The following SLC12A6 variants were observed in gnomAD, a reference collection of about 807,000 sequenced individuals.
SLC12A6 encodes the protein solute carrier family 12 member 6.
In SLC12A6, 66 loss-of-function variants were observed where a neutral mutation model predicts 135.3. The observed-to-expected ratio is 0.49, with a 90% CI of 0.40 to 0.60. The LOEUF is 0.60. SLC12A6 is among the 20% of genes least tolerant of loss of function. The pLI, the probability that SLC12A6 is intolerant of heterozygous loss-of-function variation, is 0.00. For synonymous variants in SLC12A6, 513 were observed against 508.8 expected, an observed-to-expected ratio of 1.01 and a Z score of -0.11; for missense variants, 1,058 against 1,452.3, an observed-to-expected ratio of 0.73 and a Z score of 4.41.
chr15:34,268,793 A>G (rs1053775903), intron 3 of SLC12A6, among the ~76,000 whole-genome samples: 7 of 152,062 alleles, frequency 4.6e-5, no homozygotes, highest in African/African-American at 1.7e-4. Flanking sequence ...CCCCACTGAG[A>G]CTGGCCTCAG....
chr15:34,257,684 T>C lies in SLC12A6; in HGVS notation c.648A>G (p.Gly216=). ...LRLTWVVGTA[G]VLQAFAIVLI... ...GGACAATTGCAAAAGCCTGAAGAAC[T>C]CCAGCTGTGCCCACCACCCATGTAA... The change falls in exon 6 of 26, where the codon GGA becomes GGG. Residue 216 remains glycine, a synonymous_variant. Transcript: ENST00000354181. 1 of 1,613,380 alleles carries C rather than the reference T, an allele frequency of 6.2e-7. No homozygotes were observed. Among genetic ancestry groups the C allele is most frequent in the Non-Finnish European group, 8.5e-7 (1 of 1,179,446 alleles).
At chr15:34,309,698 G>T (rs566810106) in intron 2 of SLC12A6, among the ~76,000 whole-genome samples, 35 of 152,306 alleles carry the variant, frequency 2.3e-4, no homozygotes, top group African/African-American at 8.4e-4. Context: ...ACAGAATTGG[G>T]AAGATATTTC....
rs570801510 is a variant in SLC12A6, at chr15:34,290,467, T to C, written c.272-15078A>G. On this transcript the variant is annotated intron_variant, in intron 2 of 25. Transcript: ENST00000354181. Reference sequence around the variant, plus strand: ...GAATGTATATTCCGTTGATTTGGGGTGGAGAGTTCTGTAGATATCTATTAG... The same window carrying C: ...GAATGTATATTCCGTTGATTTGGGGCGGAGAGTTCTGTAGATATCTATTAG... 2.6e-5 allele frequency among the ~76,000 whole-genome samples: 4 copies of C among 152,248 alleles called. No individual in the cohort carries two copies. The South Asian group carries it at 6.2e-4, about 24-fold the overall frequency.
In SLC12A6 at chr15:34,258,873, T is replaced by A. The variant is rs1316809325; in HGVS notation, c.483A>T (p.Gln161His). The change falls in exon 5 of 26, where the codon CAA (glutamine) becomes CAT (histidine). Residue 161 changes from glutamine to histidine, a missense_variant. This residue lies in a region of SLC12A6 where 139 missense variants were observed against 202.2 expected (regional missense o/e 0.69). Transcript: ENST00000354181. ...NRMANYTNLT[Q>H]GAKEHEEAEN... ...CTGCCTCTTCATGTTCCTTTGCTCC[T>A]TGAGTCAGATTAGTGTAATTGGCCA... 2 of 1,612,848 alleles carry A rather than the reference T, an allele frequency of 1.2e-6. No individual in the cohort carries two copies. Among genetic ancestry groups the A allele is most frequent in the Admixed American group, 3.3e-5 (2 of 60,006 alleles).
intron 3 of SLC12A6, among the ~76,000 whole-genome samples, chr15:34,261,900 C>T (rs1893159859): frequency 6.6e-6 from 1 of 152,244 alleles, no homozygotes; most frequent in African/African-American, 2.4e-5. Flanking sequence ...TTATACACTG[C>T]TGGTGGGAAT....
At chr15:34,277,069 T>A (rs906237097) in intron 2 of SLC12A6, among the ~76,000 whole-genome samples, 1 of 152,196 alleles carries the variant, frequency 6.6e-6, no homozygotes, top group African/African-American at 2.4e-5. Context: ...TATTCTAGAA[T>A]ATTTTCCCCA....
At chr15:34,309,315 T>G (rs1162321807) in intron 2 of SLC12A6, among the ~76,000 whole-genome samples, 1 of 152,218 alleles carries the variant, frequency 6.6e-6, no homozygotes, top group Admixed American at 6.5e-5. Flanking sequence ...GAATATTTTA[T>G]AATACACTAA....
intron 2 of SLC12A6, among the ~76,000 whole-genome samples, chr15:34,302,123 CTT>C (rs1896295726): frequency 6.6e-6 from 1 of 152,170 alleles, no homozygotes; most frequent in African/African-American, 2.4e-5. Context: ...CAGCCTATAA[CTT>C]ATACAACCTA....
chr15:34,245,335 C>A lies in SLC12A6; in HGVS notation c.1893G>T (p.Glu631Asp), dbSNP rs192253331. The change falls in exon 15 of 26, where the codon GAG becomes GAT. Residue 631 changes from glutamate to aspartate, a missense_variant. Physicochemically the swap from Glu to Asp is conservative, Grantham distance 45. Around this residue, in one of 6 missense-constraint regions of SLC12A6, gnomAD observed 170 missense variants for 297.6 expected, o/e 0.57. Coordinates refer to ENST00000354181, the MANE Select transcript of SLC12A6 (RefSeq NM_001365088.1). Reference sequence around the variant, plus strand: ...CCAGGGAGGCAATGAGTATTCCAAGCTCTGCAATGGCAGCAGTTAGAAGTA... The same window carrying A: ...CCAGGGAGGCAATGAGTATTCCAAGATCTGCAATGGCAGCAGTTAGAAGTA... ...WALLLTAAIAELGILIASLDL... is the reference protein window; with the variant it reads ...WALLLTAAIADLGILIASLDL... 2 of 1,613,636 alleles carry A rather than the reference C, an allele frequency of 1.2e-6. No homozygotes were observed. Among genetic ancestry groups the A allele is most frequent in the East Asian group, 4.5e-5 (2 of 44,890 alleles).
chr15:34,238,579 G>A, intron 20 of SLC12A6, 178 bp from the exon 21 acceptor site: 1 of 653,232 alleles, frequency 1.5e-6, no homozygotes, highest in East Asian at 2.7e-5. Context: ...ATAGCTAACA[G>A]ACTGAGAACC....
At chr15:34,252,462 G>C (rs576017698) in intron 9 of SLC12A6, 78 bp from the exon 10 acceptor site, 1 of 842,344 alleles carries the variant, frequency 1.2e-6, no homozygotes, top group Non-Finnish European at 2.0e-6. Context: ...GGTTAGTAAA[G>C]GAAACAAGAA....
At chr15:34,322,880 A>G (rs1889198282) in intron 2 of SLC12A6, among the ~76,000 whole-genome samples, 1 of 146,390 alleles carries the variant, frequency 6.8e-6, no homozygotes. Flanking sequence ...CGGGAGGCTG[A>G]GGCAGGAGAA....
At chr15:34,264,002 TA>T (rs1893331423) in intron 3 of SLC12A6, among the ~76,000 whole-genome samples, 3 of 147,826 alleles carry the variant, frequency 2.0e-5, no homozygotes, top group Non-Finnish European at 4.5e-5. Flanking sequence ...CATTAATAAA[TA>T]GAAAAAAAAA....
intron 2 of SLC12A6, among the ~76,000 whole-genome samples, chr15:34,307,724 G>GT (rs1429772261): frequency 6.6e-6 from 1 of 152,160 alleles, no homozygotes; most frequent in African/African-American, 2.4e-5. Flanking sequence ...GTGGGTATAT[G>GT]TAATTTTTTT....
At chr15:34,262,408 C>T (rs548641192) in intron 3 of SLC12A6, among the ~76,000 whole-genome samples, 24 of 151,964 alleles carry the variant, frequency 1.6e-4, no homozygotes, top group Admixed American at 4.6e-4. Context: ...AATTATTCTC[C>T]GCCCTCCTCA....
At position 34,336,683 on chromosome 15, in the gene SLC12A6, T is replaced by C. The variant is rs1890221851; in HGVS notation, c.-3A>G. The C allele has an allele frequency of 2.5e-6, 4 of 1,614,098 alleles. No homozygotes were observed. In the East Asian group the frequency reaches 6.7e-5, roughly 27 times the overall value. On this transcript the variant is annotated 5_prime_UTR_variant, in exon 2 of 26. Coordinates refer to ENST00000354181, the MANE Select transcript of SLC12A6 (RefSeq NM_001365088.1). ...GTGGTGGTTTCTGGAGGATGCATTT[T>C]GTTCTTTTTAAGAACAAAAAAAGTG...
chr15:34,330,716 G>A (rs193030520), intron 2 of SLC12A6, among the ~76,000 whole-genome samples: 1 of 152,158 alleles, frequency 6.6e-6, no homozygotes, highest in Admixed American at 6.5e-5. Flanking sequence ...TCAAGAGGAT[G>A]CTTCTTTCAG....
chr15:34,246,392 T>C (rs1891992206), intron 13 of SLC12A6, among the ~76,000 whole-genome samples: 1 of 152,166 alleles, frequency 6.6e-6, no homozygotes, highest in African/African-American at 2.4e-5. Flanking sequence ...GTTGTAACTT[T>C]CCCCTTCAGG....
chr15:34,323,714 G>A (rs1348101970), intron 2 of SLC12A6, among the ~76,000 whole-genome samples: 2 of 152,136 alleles, frequency 1.3e-5, no homozygotes, highest in African/African-American at 2.4e-5. Context: ...ACTTTTGGGG[G>A]CCAAAGTGGA....
Sources: gnomAD v4.1 joint callset for allele counts (sites outside exome capture counted in the v4.1 genomes callset) on GRCh38, gnomAD v4.1.1 for gene constraint, gnomAD v4.1.1 regional missense constraint, MANE v1.5 for transcripts, NCBI Gene and HGNC (gene_info 2026-07-23, HGNC 2026-07-21) for gene names.